Variants in KLHL1 observed in about 807,000 individuals in gnomAD.
KLHL1 encodes kelch-like protein 1.
A neutral mutation model predicts 77.7 loss-of-function variants in KLHL1; 47 were observed. The ratio of observed to expected loss-of-function variants is 0.60; its 90% CI spans 0.48 to 0.77. KLHL1 has a LOEUF of 0.77. KLHL1 is among the 30% of genes least tolerant of loss of function. The pLI is 0.00. For missense variants in KLHL1, 925 were observed against 910.8 expected, an observed-to-expected ratio of 1.02 and a Z score of -0.20; for synonymous variants, 360 against 325.2, an observed-to-expected ratio of 1.11 and a Z score of -1.15.
At chr13:69,751,956 T>C (rs961827917) in intron 7 of KLHL1, among the ~76,000 whole-genome samples, 3 of 152,084 alleles carry the variant, frequency 2.0e-5, no homozygotes, top group African/African-American at 4.8e-5. Flanking sequence ...CATCTATCCA[T>C]CAACACAGCC....
At chr13:69,760,347 T>TTTATTATTA (rs141226123) in intron 7 of KLHL1, among the ~76,000 whole-genome samples, 250 of 150,158 alleles carry the variant, frequency 1.7e-3, no homozygotes, top group South Asian at 0.013. Context: ...GTTAGGATAT[T>TTTATTATTA]TTATTATTAT....
At chr13:69,849,351 CTT>C in intron 5 of KLHL1, among the ~76,000 whole-genome samples, 1 of 151,508 alleles carries the variant, frequency 6.6e-6, no homozygotes, top group East Asian at 1.9e-4. Flanking sequence ...CAATATAACT[CTT>C]TTTAATCTAT....
rs142866146 is a variant in KLHL1 at position 69,883,924 on chromosome 13, G to C, written c.1015-1429C>G. On this transcript the variant is annotated intron_variant, in intron 4 of 10. Coordinates refer to ENST00000377844, the MANE Select transcript of KLHL1 (RefSeq NM_020866.3). ...TCCAAGACATAGCAAAGGCTTCTCA[G>C]GTTCTAGTTTTAAAGCCACAGCGGT... 4.5e-3 allele frequency among the ~76,000 whole-genome samples: 690 copies of C among 152,266 alleles called. 13 individuals are homozygous for C. In the Middle Eastern group the frequency reaches 0.061, roughly 14 times the overall value.
intron 6 of KLHL1, among the ~76,000 whole-genome samples, chr13:69,833,747 GTATATA>G (rs71196266): frequency 7.0e-6 from 1 of 142,300 alleles, no homozygotes. Flanking sequence ...AGAAATAATG[GTATATA>G]TATATATATA....
intron 1 of KLHL1, among the ~76,000 whole-genome samples, chr13:70,024,251 T>C (rs1296137657): frequency 6.6e-6 from 1 of 152,058 alleles, no homozygotes; most frequent in African/African-American, 2.4e-5. Flanking sequence ...CTAAATTAAA[T>C]TGAACTTTAA....
rs139705217 is a variant in KLHL1, at chr13:69,910,380, T to C, written c.1015-27885A>G. 6.6e-5 allele frequency among the ~76,000 whole-genome samples: 10 copies of C among 152,250 alleles called. No homozygotes were observed. The East Asian group carries it at 1.5e-3, about 23-fold the overall frequency. On this transcript the variant is annotated intron_variant, in intron 4 of 10. Coordinates refer to ENST00000377844, the MANE Select transcript of KLHL1 (RefSeq NM_020866.3). ...CCATGTCAATCATACTAGTCATTTC[T>C]TGTCTAATTTTGACTGATGTATTAG...
chr13:70,028,224 A>G (rs188577777), intron 1 of KLHL1, among the ~76,000 whole-genome samples: 11 of 152,336 alleles, frequency 7.2e-5, no homozygotes, highest in Admixed American at 3.3e-4. Flanking sequence ...ACCTTTGTTA[A>G]GAATTATAAT....
chr13:69,958,798 AT>A (rs534540106), intron 3 of KLHL1, among the ~76,000 whole-genome samples: 3 of 151,380 alleles, frequency 2.0e-5, no homozygotes, highest in South Asian at 2.1e-4. Flanking sequence ...CCACTCATTC[AT>A]TTTTTTTCCT....
At chr13:70,001,355 T>C (rs141897462) in intron 1 of KLHL1, among the ~76,000 whole-genome samples, 132 of 151,358 alleles carry the variant, frequency 8.7e-4, no homozygotes, top group African/African-American at 2.9e-3. Flanking sequence ...ATATGAATTA[T>C]CCTCATTAAA....
chr13:69,939,104 T>G (rs1883268761), intron 4 of KLHL1, among the ~76,000 whole-genome samples: 1 of 151,364 alleles, frequency 6.6e-6, no homozygotes. Context: ...GTAGCATTGA[T>G]ACAGGGCGTC....
At chr13:69,768,286 A>C (rs1875402949) in intron 7 of KLHL1, among the ~76,000 whole-genome samples, 1 of 152,168 alleles carries the variant, frequency 6.6e-6, no homozygotes, top group Non-Finnish European at 1.5e-5. Context: ...GTGTCTTCTA[A>C]GAGACTACAG....
chr13:69,715,576 AG>A (rs1271482221), intron 9 of KLHL1, among the ~76,000 whole-genome samples: 7 of 151,326 alleles, frequency 4.6e-5, no homozygotes, highest in African/African-American at 1.7e-4. Flanking sequence ...GCTGGAGTGC[AG>A]TGGCGCGATC....
intron 3 of KLHL1, among the ~76,000 whole-genome samples, chr13:69,942,739 T>C: frequency 6.6e-6 from 1 of 152,268 alleles, no homozygotes; most frequent in South Asian, 2.1e-4. Flanking sequence ...CCATCACATG[T>C]CACCCCTAAA....
At chr13:70,084,272 T>C (rs1550546) in intron 1 of KLHL1, among the ~76,000 whole-genome samples, 65,384 of 151,844 alleles carry the variant, frequency 0.43, 14,169 homozygotes, top group African/African-American at 0.45. Flanking sequence ...TAGTATATAC[T>C]AAGTACTTTA....
intron 9 of KLHL1, among the ~76,000 whole-genome samples, chr13:69,709,484 A>G (rs75526364): frequency 0.022 from 3,369 of 152,180 alleles, 137 homozygotes; most frequent in African/African-American, 0.077. Flanking sequence ...AGTTAGAAAT[A>G]TAACAAAATA....
At chr13:70,010,911 TAATAA>T (rs67519504) in intron 1 of KLHL1, among the ~76,000 whole-genome samples, 1 of 147,628 alleles carries the variant, frequency 6.8e-6, no homozygotes, top group Non-Finnish European at 1.5e-5. Flanking sequence ...ATAATAATAA[TAATAA>T]AATAAAATAA....
rs1024562228 is a variant in KLHL1 at position 69,939,916 on chromosome 13, A to C, written c.1014+124T>G. On this transcript the variant is annotated intron_variant, in intron 4 of 10. Transcript: ENST00000377844. ...TGGTACGCTATAGTTCATAACAAAA[A>C]AATGTGCCAAGCATAGAAAACTCAT... The C allele has an allele frequency of 1.4e-5, 9 of 632,730 alleles. No individual in the cohort carries two copies. The African/African-American group carries it at 1.7e-4, about 12-fold the overall frequency. The allele number at this position is 632,730 out of a possible 1,614,324, so 39.2% of individuals were successfully genotyped here.
chr13:69,878,120 G>C (rs1880835075), intron 5 of KLHL1, among the ~76,000 whole-genome samples: 2 of 151,884 alleles, frequency 1.3e-5, no homozygotes, highest in Admixed American at 1.3e-4. Flanking sequence ...CTCTTTCATT[G>C]TTTTTGTTTT....
At chr13:69,752,252 G>C (rs1379337980) in intron 7 of KLHL1, among the ~76,000 whole-genome samples, 2 of 152,208 alleles carry the variant, frequency 1.3e-5, no homozygotes, top group East Asian at 3.9e-4. Context: ...TACGAGAAGA[G>C]ACTATTGAAG....
Sources: gnomAD v4.1 joint callset for allele counts (sites outside exome capture counted in the v4.1 genomes callset) on GRCh38, gnomAD v4.1.1 for gene constraint, MANE v1.5 for transcripts, NCBI Gene and HGNC (gene_info 2026-07-23, HGNC 2026-07-21) for gene names.